TJP1: variants seen among roughly 807,000 people sequenced by gnomAD.
TJP1 encodes the protein tight junction protein ZO-1.
In TJP1, 43 loss-of-function variants were observed where a neutral mutation model predicts 194.2. The observed-to-expected ratio is 0.22, with a 90% CI of 0.17 to 0.29. The LOEUF (loss-of-function observed/expected upper bound fraction) is 0.29, where lower values mean the gene tolerates loss of function less well. Ranked by LOEUF, TJP1 falls within the 10% of genes least tolerant of loss-of-function variation. The probability of loss-of-function intolerance (pLI) is 1.00; values close to 1 mark genes in which losing one functional copy is unlikely to be tolerated. For synonymous variants in TJP1, 801 were observed against 779.0 expected, an observed-to-expected ratio of 1.03 and a Z score of -0.47; for missense variants, 1,971 against 2,185.7, an observed-to-expected ratio of 0.90 and a Z score of 1.96.
intron 21 of TJP1, 32 bp downstream of exon 21, chr15:29,718,234 C>G: frequency 6.2e-7 from 1 of 1,601,664 alleles, no homozygotes; most frequent in Non-Finnish European, 8.5e-7. Flanking sequence ...AACGGTGTGC[C>G]CATGCATCCA....
chr15:29,961,951 G>A (rs981497515), intron 1 of TJP1, among the ~76,000 whole-genome samples: 1 of 152,142 alleles, frequency 6.6e-6, no homozygotes, highest in Non-Finnish European at 1.5e-5. Flanking sequence ...TTCCTTGAAT[G>A]TATCTTCCCT....
chr15:29,846,654 G>A (rs565527607), intron 2 of TJP1, among the ~76,000 whole-genome samples: 1 of 152,218 alleles, frequency 6.6e-6, no homozygotes, highest in East Asian at 1.9e-4. Context: ...GGCCTGATGC[G>A]GTGGCTCACG....
At chr15:29,756,729 T>C (rs2045666740) in intron 8 of TJP1, among the ~76,000 whole-genome samples, 1 of 152,146 alleles carries the variant, frequency 6.6e-6, no homozygotes, top group Non-Finnish European at 1.5e-5. Flanking sequence ...GATTAAGTAG[T>C]AATTAAGCTA....
Position 29,800,718 on chromosome 15 carries a change from A to G in TJP1, c.28-16T>C, listed in dbSNP as rs772327422. On this transcript the variant is annotated splice_polypyrimidine_tract_variant and intron_variant, in intron 1 of 27. Coordinates refer to ENST00000614355, the MANE Select transcript of TJP1 (RefSeq NM_001330239.4). Reference sequence around the variant, plus strand: ...TTGCTGTGCTCTGATAAAGGAAAAGAAAAACAAATCATTTACCTTTTAAGA... The same window carrying G: ...TTGCTGTGCTCTGATAAAGGAAAAGGAAAACAAATCATTTACCTTTTAAGA... The G allele has an allele frequency of 8.7e-6, 14 of 1,612,672 alleles. No individual in the cohort carries two copies. Among genetic ancestry groups the G allele is most frequent in the Non-Finnish European group, 9.3e-6 (11 of 1,179,506 alleles).
intron 2 of TJP1, among the ~76,000 whole-genome samples, chr15:29,920,222 T>C (rs538845958): frequency 4.6e-5 from 7 of 152,160 alleles, no homozygotes; most frequent in African/African-American, 7.2e-5. Context: ...AACGTAAACA[T>C]GTTTTTCTTG....
At chr15:29,838,679 T>C (rs1448468853) in intron 2 of TJP1, among the ~76,000 whole-genome samples, 2 of 152,024 alleles carry the variant, frequency 1.3e-5, no homozygotes, top group African/African-American at 4.8e-5. Context: ...GTAGTCTTTC[T>C]TGTATAACCA....
rs2041468249 is a variant in TJP1, at chr15:29,700,408, A to C, written c.*1187T>G. On this transcript the variant is annotated 3_prime_UTR_variant, in exon 28 of 28. Transcript: ENST00000614355. Reference sequence around the variant, plus strand: ...AGAATTCTGAGTAACTGTATCTTTTAAATGCAGCACTTAAAAATGTAACAA... The same window carrying C: ...AGAATTCTGAGTAACTGTATCTTTTCAATGCAGCACTTAAAAATGTAACAA... 1 of 398,848 alleles carries C rather than the reference A, an allele frequency of 2.5e-6. No individual in the cohort carries two copies. The highest frequency in any genetic ancestry group is 4.4e-5 in the Admixed American group (1 of 22,706). The allele number at this position is 398,848 out of a possible 1,614,324, so 24.7% of individuals were successfully genotyped here. A position where few individuals can be genotyped will look rare whatever the true frequency, so the allele number is the denominator to read the frequency against.
chr15:29,846,681 T>A (rs922842846), intron 2 of TJP1, among the ~76,000 whole-genome samples: 4 of 152,000 alleles, frequency 2.6e-5, no homozygotes, highest in South Asian at 4.1e-4. Context: ...ATCCCAGCAC[T>A]TTGGGAGGCC....
chr15:29,881,952 T>C (rs933738480), intron 2 of TJP1, among the ~76,000 whole-genome samples: 19 of 151,360 alleles, frequency 1.3e-4, no homozygotes, highest in Non-Finnish European at 2.4e-4. Context: ...TATAGATATA[T>C]ATAGATATAT....
intron 2 of TJP1, 71 bp from the exon 3 acceptor site, chr15:29,773,428 T>C: frequency 2.1e-6 from 3 of 1,442,082 alleles, no homozygotes; most frequent in Non-Finnish European, 2.9e-6. Context: ...CTCTACAATC[T>C]AGAGAAGCCA....
intron 2 of TJP1, among the ~76,000 whole-genome samples, chr15:29,889,128 T>A (rs1421780800): frequency 6.6e-6 from 1 of 152,206 alleles, no homozygotes; most frequent in Admixed American, 6.5e-5. Context: ...CGTTTTAGTG[T>A]TAAATACAAA....
chr15:29,855,488 A>G (rs1447969229), intron 2 of TJP1, among the ~76,000 whole-genome samples: 2 of 152,228 alleles, frequency 1.3e-5, no homozygotes, highest in African/African-American at 4.8e-5. Context: ...GTATCAAAAT[A>G]GCACGTGTAG....
At position 29,822,290 on chromosome 15, in the gene TJP1, C is replaced by T. The variant is rs1315343751; in HGVS notation, c.-262G>A. 1.8e-6 allele frequency: 2 copies of T among 1,137,482 alleles called. No individual in the cohort carries two copies. The highest frequency in any genetic ancestry group is 8.3e-5 in the East Asian group (2 of 24,052). 70.5% of individuals were successfully genotyped at this position (1,137,482 alleles called of 1,614,324 possible). A position where few individuals can be genotyped will look rare whatever the true frequency, so the allele number is the denominator to read the frequency against. ...CGAGCGCGGCCACCCACTCGGCCTC[C>T]CGCAGCTTTCGCAGCCCGGCCACGT... is the stretch of plus-strand genomic sequence containing the variant. On this transcript the variant is annotated 5_prime_UTR_variant, in exon 1 of 28. Transcript: ENST00000614355.
At chr15:29,946,984 A>C (rs1034793004) in intron 2 of TJP1, among the ~76,000 whole-genome samples, 2 of 152,198 alleles carry the variant, frequency 1.3e-5, no homozygotes, top group African/African-American at 4.8e-5. Context: ...TACTGCAGGC[A>C]CTAAATCTTT....
intron 10 of TJP1, among the ~76,000 whole-genome samples, chr15:29,740,330 A>C (rs906977862): frequency 6.6e-6 from 1 of 152,136 alleles, no homozygotes. Flanking sequence ...CAGTGCCAAT[A>C]AAAAACTAAT....
chr15:29,878,126 T>C (rs1260864386), intron 2 of TJP1, among the ~76,000 whole-genome samples: 1 of 152,150 alleles, frequency 6.6e-6, no homozygotes, highest in Non-Finnish European at 1.5e-5. Flanking sequence ...CTCAGCTCAC[T>C]GCAAGCTCCG....
chr15:29,826,009 A>G (rs548444400), upstream of TJP1, among the ~76,000 whole-genome samples: 3 of 152,326 alleles, frequency 2.0e-5, no homozygotes, highest in African/African-American at 4.8e-5. Flanking sequence ...TTAATCTTAT[A>G]AAGTAAAAAC....
chr15:29,820,637 G>C (rs2050269402), intron 1 of TJP1: 1 of 711,896 alleles, frequency 1.4e-6, no homozygotes, highest in African/African-American at 1.7e-5. Flanking sequence ...CAGGAACAAA[G>C]TGACATTCTG....
At chr15:29,861,485 A>G (rs1008674813) in intron 2 of TJP1, among the ~76,000 whole-genome samples, 9 of 152,212 alleles carry the variant, frequency 5.9e-5, no homozygotes, top group African/African-American at 2.2e-4. Context: ...TAGGATATAA[A>G]TAACTCCCAC....
Sources: gnomAD v4.1 joint callset for allele counts (sites outside exome capture counted in the v4.1 genomes callset) on GRCh38, gnomAD v4.1.1 for gene constraint, MANE v1.5 for transcripts, NCBI Gene and HGNC (gene_info 2026-07-23, HGNC 2026-07-21) for gene names.